Variants in SLC44A2 observed in about 807,000 individuals in gnomAD.
SLC44A2 encodes the protein solute carrier family 44 member 2 (CTL2 blood group).
SLC44A2 carries 57 observed loss-of-function variants against 90.8 expected under a neutral mutation model. That is an observed-to-expected ratio of 0.63 (90% CI 0.51 to 0.78). The LOEUF (loss-of-function observed/expected upper bound fraction) is 0.78. Among genes scored for constraint, SLC44A2 ranks in the 30% least tolerant of loss-of-function variants. The pLI is 0.00. For missense variants in SLC44A2, 794 were observed against 919.7 expected, an observed-to-expected ratio of 0.86 and a Z score of 1.77; for synonymous variants, 355 against 360.7, an observed-to-expected ratio of 0.98 and a Z score of 0.18.
chr19:10,627,302 C>T (rs1195514383), intron 2 of SLC44A2, among the ~76,000 whole-genome samples: 2 of 147,144 alleles, frequency 1.4e-5, no homozygotes, highest in African/African-American at 2.6e-5. Flanking sequence ...GCCTGGGCGA[C>T]AGAGTGAGAT....
intron 8 of SLC44A2, 41 bp downstream of exon 8, chr19:10,631,790 G>A: frequency 6.2e-7 from 1 of 1,614,064 alleles, no homozygotes; most frequent in Non-Finnish European, 8.5e-7. Flanking sequence ...TCACTTTGCT[G>A]GGTGGGACAG....
At chr19:10,628,588 A>T (rs1008423516) in intron 4 of SLC44A2, among the ~76,000 whole-genome samples, 19 of 152,076 alleles carry the variant, frequency 1.2e-4, no homozygotes, top group African/African-American at 4.6e-4. Flanking sequence ...GTACTGATAA[A>T]CGTCCCACTA....
intron 1 of SLC44A2, among the ~76,000 whole-genome samples, chr19:10,610,188 T>C (rs1389515563): frequency 6.6e-6 from 1 of 151,832 alleles, no homozygotes; most frequent in Admixed American, 6.6e-5. Context: ...TATTTTTAAA[T>C]GGTTGTGAAA....
Position 10,625,614 on chromosome 19 carries a change from G to C in SLC44A2, c.-20G>C, listed in dbSNP as rs975762228. ...GCGGGAGAGAGCGCGGGCGGCCGCC[G>C]GGGCTGGTCGCCTGCAGGGATGGGG... On this transcript the variant is annotated 5_prime_UTR_variant, in exon 1 of 22. Transcript: ENST00000335757. 3.8e-5 allele frequency: 47 copies of C among 1,244,550 alleles called. No homozygotes were observed. The highest frequency in any genetic ancestry group is 4.3e-5 in the Non-Finnish European group (43 of 989,956). 77.1% of individuals were successfully genotyped at this position (1,244,550 alleles called of 1,614,324 possible).
chr19:10,624,406 C>G (rs576699327), upstream of SLC44A2, among the ~76,000 whole-genome samples: 6 of 151,570 alleles, frequency 4.0e-5, no homozygotes, highest in South Asian at 1.3e-3. Context: ...TGGGTTTAAG[C>G]GATTCTCCTG....
At chr19:10,629,064 C>T (rs968555174) in intron 4 of SLC44A2, among the ~76,000 whole-genome samples, 17 of 151,468 alleles carry the variant, frequency 1.1e-4, no homozygotes, top group African/African-American at 2.2e-4. Context: ...ATTAGCTGGG[C>T]ATTGTGGCAT....
Position 10,631,765 on chromosome 19 carries a change from C to T in SLC44A2, c.626+16C>T. ...AGGGCGCCAAGTGAGGATATTGGCG[C>T]ACCGCGCCAGGGTCTCACTTTGCTG... On this transcript the variant is annotated intron_variant, in intron 8 of 21. Coordinates refer to ENST00000335757, the MANE Select transcript of SLC44A2 (RefSeq NM_020428.4). The T allele has an allele frequency of 3.1e-6, 5 of 1,614,002 alleles. No individual in the cohort carries two copies. Among genetic ancestry groups the T allele is most frequent in the Non-Finnish European group, 4.2e-6 (5 of 1,180,046 alleles).
Position 10,631,905 on chromosome 19 carries a change from A to T in SLC44A2, c.664A>T (p.Met222Leu). The T allele has an allele frequency of 6.2e-7, 1 of 1,614,022 alleles. No homozygotes were observed. Among genetic ancestry groups the T allele is most frequent in the Non-Finnish European group, 8.5e-7 (1 of 1,179,872 alleles). ...NGVLEARQLA[M>L]RIFEDYTVSW... ...AGTCCTAGAGGCGCGGCAACTCGCC[A>T]TGCGCATATTTGAAGATTACACCGT... is the stretch of plus-strand genomic sequence containing the variant. Residue 222 changes from methionine to leucine, a missense_variant, in exon 9 of 22, where the codon ATG becomes TTG. Coordinates refer to ENST00000335757, the MANE Select transcript of SLC44A2 (RefSeq NM_020428.4).
At chr19:10,633,011 A>G (rs1444335143) in intron 10 of SLC44A2, among the ~76,000 whole-genome samples, 1 of 151,992 alleles carries the variant, frequency 6.6e-6, no homozygotes, top group Non-Finnish European at 1.5e-5. Flanking sequence ...GGTAATTCAT[A>G]TTTCTAGTTG....
chr19:10,603,613 A>G (rs1317428031), intron 1 of SLC44A2, among the ~76,000 whole-genome samples: 1 of 152,110 alleles, frequency 6.6e-6, no homozygotes, highest in Non-Finnish European at 1.5e-5. Context: ...GGAGGCTGGG[A>G]CCTTCCCTGC....
chr19:10,607,239 A>T (rs901220147), intron 1 of SLC44A2, among the ~76,000 whole-genome samples: 1 of 151,900 alleles, frequency 6.6e-6, no homozygotes, highest in Non-Finnish European at 1.5e-5. Flanking sequence ...TTTGAAAGGG[A>T]TAATACATTC....
chr19:10,610,428 T>A (rs1432479836), intron 1 of SLC44A2, among the ~76,000 whole-genome samples: 1 of 145,424 alleles, frequency 6.9e-6, no homozygotes, highest in Non-Finnish European at 1.5e-5. Context: ...GCCTCCCGGG[T>A]TCACGCCATT....
In SLC44A2 at chr19:10,643,565, C is replaced by A; in HGVS notation, c.*180C>A. On this transcript the variant is annotated 3_prime_UTR_variant, in exon 22 of 22. Coordinates refer to ENST00000335757, the MANE Select transcript of SLC44A2 (RefSeq NM_020428.4). ...AGTCTGGGGCATCTCCTTCTTATGC[C>A]AAGGGGCGCTTGGAGTTTTCATGGC... 1 of 680,978 alleles carries A rather than the reference C, an allele frequency of 1.5e-6. No individual in the cohort carries two copies. The highest frequency in any genetic ancestry group is 2.3e-6 in the Non-Finnish European group (1 of 438,022). The allele number at this position is 680,978 out of a possible 1,614,324, so 42.2% of individuals were successfully genotyped here.
intron 1 of SLC44A2, among the ~76,000 whole-genome samples, chr19:10,610,400 C>CGGCT (rs1918257576): frequency 7.1e-6 from 1 of 139,886 alleles, no homozygotes; most frequent in Non-Finnish European, 1.5e-5. Context: ...GACGTGATCT[C>CGGCT]GGCTCACTGC....
At position 10,605,708 on chromosome 19, in the gene SLC44A2, G is replaced by A. The variant is rs1046672909; in HGVS notation, c.31+3147G>A. On this transcript the variant is annotated intron_variant, in intron 1 of 21. Transcript: ENST00000407327. ...TCTCAAAAAAAAAAAAGGACTCTTG[G>A]CCAGGCAAGGATTACAGGTTCACAC... Among the ~76,000 whole-genome samples, 24 of 150,834 alleles carry A rather than the reference G, an allele frequency of 1.6e-4. No homozygotes were observed. The East Asian group carries it at 4.7e-3, about 30-fold the overall frequency.
chr19:10,610,990 T>C (rs1235867047), intron 1 of SLC44A2, among the ~76,000 whole-genome samples: 6 of 151,680 alleles, frequency 4.0e-5, no homozygotes, highest in Non-Finnish European at 5.9e-5. Context: ...GAACATGATA[T>C]TTATTTATTT....
chr19:10,632,497 T>G (rs1014767680), intron 10 of SLC44A2, among the ~76,000 whole-genome samples: 4 of 148,406 alleles, frequency 2.7e-5, no homozygotes, highest in Non-Finnish European at 4.5e-5. Flanking sequence ...AATCACGCCA[T>G]TGCACTCCAG....
intron 1 of SLC44A2, among the ~76,000 whole-genome samples, chr19:10,614,499 C>A (rs2066838954): frequency 6.6e-6 from 1 of 152,062 alleles, no homozygotes; most frequent in Non-Finnish European, 1.5e-5. Flanking sequence ...TCCCAAAATG[C>A]TGGGATTGCA....
intron 10 of SLC44A2, among the ~76,000 whole-genome samples, chr19:10,633,168 TTTG>T (rs1029180859): frequency 1.1e-4 from 17 of 151,882 alleles, no homozygotes; most frequent in Admixed American, 5.9e-4. Context: ...GAGTTGTTGT[TTTG>T]TTGTTGTTGT....
Sources: allele counts gnomAD v4.1 joint callset (sites outside exome capture counted in the v4.1 genomes callset), GRCh38; gene constraint gnomAD v4.1.1; transcripts MANE v1.5; gene names NCBI Gene and HGNC (gene_info 2026-07-23, HGNC 2026-07-21).